Variants in GPM6A observed in about 807,000 individuals in gnomAD.
GPM6A encodes neuronal membrane glycoprotein M6-a.
A neutral mutation model predicts 32.1 loss-of-function variants in GPM6A; 7 were observed. That is an observed-to-expected ratio of 0.22 (90% CI 0.12 to 0.41). The LOEUF (loss-of-function observed/expected upper bound fraction) is 0.41. Ranked by LOEUF, GPM6A falls within the 10% of genes least tolerant of loss-of-function variation. The pLI is 1.00. For missense variants in GPM6A, 235 were observed against 347.2 expected (o/e 0.68, Z 2.57); for synonymous variants, 130 against 123.4 (o/e 1.05, Z -0.35).
At chr4:175,816,866 T>A (rs1356006445), upstream of GPM6A, among the ~76,000 whole-genome samples, 1 of 70,026 alleles carries the variant, frequency 1.4e-5, no homozygotes, top group East Asian at 5.2e-4. Flanking sequence ...TTTTTTATTT[T>A]TATTTTTTTT....
intron 1 of GPM6A, among the ~76,000 whole-genome samples, chr4:175,862,123 C>CT (rs1285892146): frequency 6.6e-6 from 1 of 152,148 alleles, no homozygotes; most frequent in Non-Finnish European, 1.5e-5. Context: ...CATAGATTAA[C>CT]TTTTTGGCTG....
chr4:175,840,413 C>T (rs1366165270), intron 1 of GPM6A, among the ~76,000 whole-genome samples: 1 of 152,202 alleles, frequency 6.6e-6, no homozygotes, highest in Non-Finnish European at 1.5e-5. Context: ...TGCGGTGGCT[C>T]ACGCCTGTAA....
chr4:175,972,824 CTG>C (rs1740548411), intron 1 of GPM6A, among the ~76,000 whole-genome samples: 1 of 152,084 alleles, frequency 6.6e-6, no homozygotes, highest in Admixed American at 6.5e-5. Flanking sequence ...CTTTTCTATG[CTG>C]TGACAATGTA....
intron 4 of GPM6A, among the ~76,000 whole-genome samples, chr4:175,646,327 A>C (rs1265029686): frequency 2.0e-5 from 3 of 152,238 alleles, no homozygotes; most frequent in Non-Finnish European, 4.4e-5. Flanking sequence ...ATACAAAAGA[A>C]TTCCTATTAG....
intron 1 of GPM6A, among the ~76,000 whole-genome samples, chr4:175,884,059 T>C (rs1737365981): frequency 6.6e-6 from 1 of 152,194 alleles, no homozygotes; most frequent in South Asian, 2.1e-4. Context: ...CTTTTCCTTT[T>C]CCTTGGAGCT....
At chr4:175,798,992 T>G (rs1432155031) in intron 1 of GPM6A, among the ~76,000 whole-genome samples, 2 of 152,248 alleles carry the variant, frequency 1.3e-5, no homozygotes, top group Non-Finnish European at 2.9e-5. Context: ...AGAGGCTAGT[T>G]ATGAGCAATG....
At chr4:175,637,850 A>G (rs546376992) in intron 6 of GPM6A, among the ~76,000 whole-genome samples, 1 of 122,180 alleles carries the variant, frequency 8.2e-6, no homozygotes, top group Non-Finnish European at 1.6e-5. Flanking sequence ...ATATAATATA[A>G]AATATATAAT....
At chr4:175,681,358 T>G (rs1466576210) in intron 2 of GPM6A, among the ~76,000 whole-genome samples, 2 of 152,212 alleles carry the variant, frequency 1.3e-5, no homozygotes, top group East Asian at 3.8e-4. Context: ...ATTCAACATC[T>G]TTTAATATGA....
At chr4:175,881,819 C>T (rs1436237253) in intron 1 of GPM6A, among the ~76,000 whole-genome samples, 1 of 151,576 alleles carries the variant, frequency 6.6e-6, no homozygotes, top group Non-Finnish European at 1.5e-5. Context: ...GGAAGGGGAA[C>T]ATCACACACT....
At chr4:175,847,881 A>T (rs1352942212) in intron 1 of GPM6A, among the ~76,000 whole-genome samples, 6 of 152,202 alleles carry the variant, frequency 3.9e-5, no homozygotes, top group Non-Finnish European at 7.3e-5. Context: ...TGGATGGAAG[A>T]TGTGAACAGA....
chr4:175,744,091 C>A (rs1026476509), intron 1 of GPM6A, among the ~76,000 whole-genome samples: 1 of 152,008 alleles, frequency 6.6e-6, no homozygotes, highest in East Asian at 1.9e-4. Context: ...CAAATGCACA[C>A]AGAATATTTA....
At chr4:175,843,222 A>G in intron 1 of GPM6A, among the ~76,000 whole-genome samples, 1 of 152,208 alleles carries the variant, frequency 6.6e-6, no homozygotes. Flanking sequence ...CATGTAAGAA[A>G]ATACAGAATA....
At chr4:175,744,885 G>A (rs1408305135) in intron 1 of GPM6A, among the ~76,000 whole-genome samples, 7 of 152,162 alleles carry the variant, frequency 4.6e-5, no homozygotes, top group Non-Finnish European at 7.3e-5. Context: ...GGGAGGCTGA[G>A]AAGGAATGGA....
At chr4:175,826,498 T>G (rs1735444306) in intron 1 of GPM6A, among the ~76,000 whole-genome samples, 1 of 152,152 alleles carries the variant, frequency 6.6e-6, no homozygotes. Flanking sequence ...AGTTTCGACA[T>G]TAGGTTGACT....
intron 1 of GPM6A, among the ~76,000 whole-genome samples, chr4:175,856,143 A>AT (rs1183933758): frequency 2.0e-5 from 3 of 152,260 alleles, no homozygotes; most frequent in African/African-American, 7.2e-5. Context: ...GGTAAAAGGG[A>AT]TTTTTTAAGG....
intron 1 of GPM6A, among the ~76,000 whole-genome samples, chr4:175,948,958 AGTGTGTGTGTGTGTGT>A (rs34417872): frequency 9.7e-5 from 14 of 144,712 alleles, no homozygotes; most frequent in South Asian, 6.7e-4. Context: ...TTTGGTGGTA[AGTGTGTGTGTGTGTGT>A]GTGTGTGTGT....
In GPM6A at chr4:175,788,998, T is replaced by G. The variant is rs373518309; in HGVS notation, c.37+23193A>C. 8.5e-5 allele frequency among the ~76,000 whole-genome samples: 13 copies of G among 152,274 alleles called. No homozygotes were observed. In the East Asian group the frequency reaches 2.3e-3, roughly 27 times the overall value. ...TGAACATCTCCTGGAAGTAGGAAGT[T>G]AACGTGTTTTGACCACAGTGTACTT... On this transcript the variant is annotated intron_variant, in intron 1 of 6. Transcript: ENST00000393658.
intron 1 of GPM6A, among the ~76,000 whole-genome samples, chr4:175,931,764 C>A (rs1739055559): frequency 6.7e-6 from 1 of 149,574 alleles, no homozygotes; most frequent in South Asian, 2.1e-4. Context: ...AAACTCAAAT[C>A]TGCATGTCTA....
intron 1 of GPM6A, among the ~76,000 whole-genome samples, chr4:175,841,378 C>T (rs1227810791): frequency 1.3e-5 from 2 of 151,722 alleles, no homozygotes; most frequent in Non-Finnish European, 2.9e-5. Flanking sequence ...ATTTAATGTA[C>T]GCGCCTGGAA....
Sources: gnomAD v4.1 joint callset for allele counts (sites outside exome capture counted in the v4.1 genomes callset) on GRCh38, gnomAD v4.1.1 for gene constraint, MANE v1.5 for transcripts, NCBI Gene and HGNC (gene_info 2026-07-23, HGNC 2026-07-21) for gene names.